FAM163A: variants seen among roughly 807,000 people sequenced by gnomAD.
FAM163A encodes the protein family with sequence similarity 163 member A, also known as protein FAM163A.
In FAM163A, 7 loss-of-function variants were observed where a neutral mutation model predicts 12.0. That is an observed-to-expected ratio of 0.58 (90% confidence interval 0.33 to 1.10). The LOEUF is 1.10. Ranked by LOEUF, FAM163A falls within the 50% of genes least tolerant of loss-of-function variation. FAM163A has a pLI of 0.03. For missense variants in FAM163A, 202 were observed against 218.6 expected, an observed-to-expected ratio of 0.92 and a Z score of 0.48; for synonymous variants, 101 against 91.0, an observed-to-expected ratio of 1.11 and a Z score of -0.62.
At chr1:179,746,919 G>A (rs747115687) in intron 1 of FAM163A, among the ~76,000 whole-genome samples, 1 of 152,146 alleles carries the variant, frequency 6.6e-6, no homozygotes, top group African/African-American at 2.4e-5. Flanking sequence ...TGGACAGCAG[G>A]CTCTCTGAGC....
chr1:179,784,260 G>A (rs1250023656), intron 1 of FAM163A, among the ~76,000 whole-genome samples: 1 of 152,206 alleles, frequency 6.6e-6, no homozygotes, highest in East Asian at 1.9e-4. Flanking sequence ...CCTATGCCCC[G>A]ACCTTGGGCC....
the FAM163A span, among the ~76,000 whole-genome samples, chr1:179,728,847 C>A: frequency 6.6e-6 from 1 of 152,132 alleles, no homozygotes; most frequent in Non-Finnish European, 1.5e-5. Context: ...CACTGTAGTG[C>A]CTTTCCTCAG....
At position 179,782,988 on chromosome 1, in the gene FAM163A, G is replaced by A. The variant is rs944399755; in HGVS notation, c.-135-24810G>A. Among the ~76,000 whole-genome samples the A allele has an allele frequency of 1.2e-4, 19 of 152,230 alleles. No individual in the cohort carries two copies. The East Asian group carries it at 2.9e-3, about 23-fold the overall frequency. Reference sequence around the variant, plus strand: ...ATTCATTCATGTACAAAATTAGCCCGGTGTGGTGGTGCATGCCTGTAATCC... The same window carrying A: ...ATTCATTCATGTACAAAATTAGCCCAGTGTGGTGGTGCATGCCTGTAATCC... On this transcript the variant is annotated intron_variant, in intron 1 of 4. Coordinates refer to ENST00000341785, the MANE Select transcript of FAM163A (RefSeq NM_173509.3).
chr1:179,789,418 G>A (rs560413359), intron 1 of FAM163A, among the ~76,000 whole-genome samples: 1 of 152,228 alleles, frequency 6.6e-6, no homozygotes, highest in Non-Finnish European at 1.5e-5. Context: ...CTGACCTCAG[G>A]TGATCTGCCC....
intron 1 of FAM163A, among the ~76,000 whole-genome samples, chr1:179,799,915 G>A (rs1692919416): frequency 6.6e-6 from 1 of 152,250 alleles, no homozygotes; most frequent in African/African-American, 2.4e-5. Flanking sequence ...AGAGAGGCCT[G>A]GAAGGATCAG....
At chr1:179,732,557 T>C in the FAM163A span, among the ~76,000 whole-genome samples, 7,671 of 152,074 alleles carry the variant, frequency 0.05, 245 homozygotes, top group African/African-American at 0.07. Flanking sequence ...ACTGACCACA[T>C]TGGATCTTGA....
chr1:179,770,337 C>T (rs992513619), intron 1 of FAM163A, among the ~76,000 whole-genome samples: 1 of 152,162 alleles, frequency 6.6e-6, no homozygotes, highest in African/African-American at 2.4e-5. Context: ...CATCTCTTAC[C>T]TGGGTTATTG....
intron 3 of FAM163A, 137 bp from the exon 4 acceptor site, chr1:179,812,939 C>T (rs1397481340): frequency 6.7e-6 from 5 of 751,630 alleles, no homozygotes; most frequent in Non-Finnish European, 1.1e-5. Flanking sequence ...CAGGAAACCC[C>T]TGGGGCCTGG....
At chr1:179,755,877 C>G (rs1046258777) in intron 1 of FAM163A, among the ~76,000 whole-genome samples, 1 of 152,134 alleles carries the variant, frequency 6.6e-6, no homozygotes, top group African/African-American at 2.4e-5. Flanking sequence ...CTTTCCCAGG[C>G]CCCTCAGAGG....
Position 179,781,933 on chromosome 1 carries a change from CAAAAAAA to C in FAM163A, c.-135-25847_-135-25841del, listed in dbSNP as rs58962319. On this transcript the variant is annotated intron_variant, in intron 1 of 4. Coordinates refer to ENST00000341785, the MANE Select transcript of FAM163A (RefSeq NM_173509.3). ...TGGGCAACAGAGCAAGAATCCGTAT[CAAAAAAA>C]AAAAAAAAAAAAAAAAAGACGTCTT... is the stretch of plus-strand genomic sequence containing the variant. Among the ~76,000 whole-genome samples the C allele has an allele frequency of 2.7e-3, 319 of 119,414 alleles. 1 individual carries two copies. The East Asian group carries it at 0.028, about 11-fold the overall frequency. The allele number at this position is 119,414 out of a possible 152,430, so 78.3% of individuals were successfully genotyped here.
chr1:179,768,507 G>A (rs1314985395), intron 1 of FAM163A, among the ~76,000 whole-genome samples: 1 of 152,200 alleles, frequency 6.6e-6, no homozygotes, highest in African/African-American at 2.4e-5. Context: ...GAGGCTGCAG[G>A]GGCAAGTGAT....
At chr1:179,762,382 GTCACGGTTTGGGAGAGGAGAGGTGT>G (rs1301217797) in intron 1 of FAM163A, among the ~76,000 whole-genome samples, 2 of 152,176 alleles carry the variant, frequency 1.3e-5, no homozygotes, top group Admixed American at 6.5e-5. Flanking sequence ...AGTCAGTCCT[GTCACGGTTTGGGAGAGGAGAGGTGT>G]TCACCTGGTT....
chr1:179,788,010 A>G (rs1690898891), intron 1 of FAM163A, among the ~76,000 whole-genome samples: 1 of 152,224 alleles, frequency 6.6e-6, no homozygotes, highest in African/African-American at 2.4e-5. Context: ...TCTAGGAGAC[A>G]ACAAGTTAAT....
At chr1:179,757,149 T>A (rs201834644) in intron 1 of FAM163A, among the ~76,000 whole-genome samples, 1 of 86,654 alleles carries the variant, frequency 1.2e-5, no homozygotes, top group African/African-American at 4.2e-5. Flanking sequence ...AAAAGAGAGA[T>A]AGTTGGGATA....
chr1:179,815,018 G>C lies in FAM163A; in HGVS notation c.*829G>C, dbSNP rs1392328764. Reference sequence around the variant, plus strand: ...CAAAGAGACCAGCTGACTGTCTCTCGGCCCAGCCCACCACGCCGAGTAGCT... The same window carrying C: ...CAAAGAGACCAGCTGACTGTCTCTCCGCCCAGCCCACCACGCCGAGTAGCT... On this transcript the variant is annotated 3_prime_UTR_variant, in exon 5 of 5. Transcript: ENST00000341785. The C allele has an allele frequency of 6.6e-6, 1 of 151,908 alleles. No individual in the cohort carries two copies. The highest frequency in any genetic ancestry group is 1.5e-5 in the Non-Finnish European group (1 of 68,006). The allele number at this position is 151,908 out of a possible 1,614,324, so 9.4% of individuals were successfully genotyped here.
chr1:179,740,065 A>G (rs1045262017), upstream of FAM163A, among the ~76,000 whole-genome samples: 8 of 152,212 alleles, frequency 5.3e-5, no homozygotes, highest in Non-Finnish European at 1.0e-4. Flanking sequence ...CTGGGCATTT[A>G]CCTTACAAAC....
intron 1 of FAM163A, among the ~76,000 whole-genome samples, chr1:179,797,888 T>C (rs1199477973): frequency 1.3e-5 from 2 of 152,136 alleles, no homozygotes; most frequent in Admixed American, 1.3e-4. Flanking sequence ...AGGAACCATA[T>C]GTGTTGATGT....
At chr1:179,771,373 T>C (rs988728247) in intron 1 of FAM163A, among the ~76,000 whole-genome samples, 2 of 152,200 alleles carry the variant, frequency 1.3e-5, no homozygotes, top group African/African-American at 4.8e-5. Context: ...CCTCTGGGCC[T>C]CACTGAGGCG....
At chr1:179,752,895 CA>C (rs1685480762) in intron 1 of FAM163A, among the ~76,000 whole-genome samples, 1 of 151,976 alleles carries the variant, frequency 6.6e-6, no homozygotes, top group Non-Finnish European at 1.5e-5. Flanking sequence ...GGAGGTTTCT[CA>C]AAAAATTAAA....
Sources: allele counts gnomAD v4.1 joint callset (sites outside exome capture counted in the v4.1 genomes callset), GRCh38; gene constraint gnomAD v4.1.1; transcripts MANE v1.5; gene names NCBI Gene and HGNC (gene_info 2026-07-23, HGNC 2026-07-21).